The following LAMA2 variants were observed in gnomAD, a reference collection of about 807,000 sequenced individuals.
LAMA2 encodes the protein laminin subunit alpha-2.
LAMA2 carries 269 observed loss-of-function variants against 364.8 expected under a neutral mutation model. That is an observed-to-expected ratio of 0.74 (90% CI 0.67 to 0.82). The LOEUF (loss-of-function observed/expected upper bound fraction) is 0.82. LAMA2 is among the 40% of genes least tolerant of loss of function. The probability of loss-of-function intolerance (pLI) is 0.00; values close to 1 mark genes in which losing one functional copy is unlikely to be tolerated. For missense variants in LAMA2, 3,807 were observed against 3,873.2 expected (o/e 0.98, Z 0.45); for synonymous variants, 1,379 against 1,370.6 (o/e 1.01, Z -0.14).
intron 28 of LAMA2, among the ~76,000 whole-genome samples, chr6:129,322,184 A>C (rs1012112022): frequency 6.6e-6 from 1 of 152,200 alleles, no homozygotes; most frequent in African/African-American, 2.4e-5. Context: ...ATTTATTTAC[A>C]TGTGTCCATT....
chr6:128,983,657 T>A (rs573261657), intron 1 of LAMA2, among the ~76,000 whole-genome samples: 2 of 152,300 alleles, frequency 1.3e-5, no homozygotes, highest in South Asian at 4.1e-4. Flanking sequence ...CTTCTAGTGA[T>A]AGAAATGTAC....
At chr6:128,931,311 G>A (rs1779461145) in intron 1 of LAMA2, among the ~76,000 whole-genome samples, 1 of 152,270 alleles carries the variant, frequency 6.6e-6, no homozygotes, top group Admixed American at 6.5e-5. Flanking sequence ...CTTTGCAGTG[G>A]CCATTTCTAG....
chr6:129,292,859 C>G, intron 20 of LAMA2: 3 of 985,770 alleles, frequency 3.0e-6, no homozygotes, highest in Non-Finnish European at 1.2e-6. Context: ...ACTGCGATCC[C>G]GTTGGCTCTG....
At chr6:129,478,195 T>TTATC (rs1471248277) in intron 53 of LAMA2, among the ~76,000 whole-genome samples, 1 of 152,122 alleles carries the variant, frequency 6.6e-6, no homozygotes, top group African/African-American at 2.4e-5. Flanking sequence ...ATATGTAATA[T>TTATC]TATCTTATTT....
intron 1 of LAMA2, among the ~76,000 whole-genome samples, chr6:128,908,977 T>G (rs1777693080): frequency 6.8e-6 from 1 of 146,926 alleles, no homozygotes; most frequent in African/African-American, 2.6e-5. Flanking sequence ...GAGTTCTAGT[T>G]TGATTGCACT....
intron 47 of LAMA2, among the ~76,000 whole-genome samples, chr6:129,455,631 C>T (rs1782922911): frequency 6.6e-6 from 1 of 152,094 alleles, no homozygotes; most frequent in Non-Finnish European, 1.5e-5. Flanking sequence ...TATTTAACAG[C>T]TCATGGAAAT....
intron 1 of LAMA2, among the ~76,000 whole-genome samples, chr6:128,995,910 G>C (rs1783907964): frequency 6.6e-6 from 1 of 152,106 alleles, no homozygotes; most frequent in Non-Finnish European, 1.5e-5. Context: ...TAGAGTTTTT[G>C]ACAGGTATAT....
intron 1 of LAMA2, among the ~76,000 whole-genome samples, chr6:128,921,212 C>G (rs1349345431): frequency 7.2e-5 from 11 of 151,842 alleles, no homozygotes. Context: ...TTATGTTAAA[C>G]AAAAACAAAA....
At chr6:129,277,547 T>C (rs1176073622) in intron 17 of LAMA2, among the ~76,000 whole-genome samples, 1 of 152,164 alleles carries the variant, frequency 6.6e-6, no homozygotes, top group African/African-American at 2.4e-5. Flanking sequence ...TACTAGAAAC[T>C]TAAACTTACT....
chr6:128,943,651 C>T (rs998715614), intron 1 of LAMA2, among the ~76,000 whole-genome samples: 6 of 152,130 alleles, frequency 3.9e-5, no homozygotes, highest in Non-Finnish European at 5.9e-5. Flanking sequence ...AAGTTTTTTC[C>T]GTTTGCTAAC....
intron 12 of LAMA2, among the ~76,000 whole-genome samples, chr6:129,245,415 A>G (rs1276253385): frequency 1.3e-5 from 2 of 152,154 alleles, no homozygotes; most frequent in African/African-American, 2.4e-5. Flanking sequence ...GAAATGTTCT[A>G]TTGGCTGAAC....
chr6:129,306,642 AT>A (rs1773897626), intron 22 of LAMA2, among the ~76,000 whole-genome samples: 1 of 150,736 alleles, frequency 6.6e-6, no homozygotes, highest in African/African-American at 2.4e-5. Context: ...TGAGGTTCTT[AT>A]TTTTTTAATT....
chr6:129,050,122 G>A, intron 2 of LAMA2, 34 bp downstream of exon 2: 1 of 1,609,704 alleles, frequency 6.2e-7, no homozygotes, highest in Non-Finnish European at 8.5e-7. Flanking sequence ...TGTGGCGCTG[G>A]GTAGGATCTA....
chr6:129,058,246 T>G (rs1364590773), intron 2 of LAMA2, among the ~76,000 whole-genome samples: 1 of 152,138 alleles, frequency 6.6e-6, no homozygotes, highest in Non-Finnish European at 1.5e-5. Context: ...CAAGAACCAA[T>G]GACTGGGAAC....
chr6:129,251,072 C>CTATATATATATA (rs1786187013), intron 13 of LAMA2, among the ~76,000 whole-genome samples: 1 of 65,060 alleles, frequency 1.5e-5, no homozygotes, highest in African/African-American at 5.2e-5. Context: ...CTCTCTCTCT[C>CTATATATATATA]TCTCTATATA....
intron 1 of LAMA2, among the ~76,000 whole-genome samples, chr6:128,943,652 G>A (rs189121303): frequency 1.6e-3 from 239 of 152,120 alleles, no homozygotes; most frequent in Non-Finnish European, 1.9e-3. Context: ...AGTTTTTTCC[G>A]TTTGCTAACT....
chr6:129,479,182 A>G (rs1023795842), intron 54 of LAMA2, among the ~76,000 whole-genome samples: 1 of 151,766 alleles, frequency 6.6e-6, no homozygotes, highest in Non-Finnish European at 1.5e-5. Context: ...GCAACCTTAC[A>G]TTTTTTCTGG....
intron 1 of LAMA2, among the ~76,000 whole-genome samples, chr6:128,995,942 ACTTC>A (rs1291723405): frequency 3.3e-5 from 5 of 152,038 alleles, no homozygotes; most frequent in South Asian, 2.1e-4. Flanking sequence ...GCTCTCTTTT[ACTTC>A]CTTTTTATTC....
rs560856513 is a variant in LAMA2 at position 128,998,203 on chromosome 6, G to A, written c.113-51715G>A. On this transcript the variant is annotated intron_variant, in intron 1 of 64. Transcript: ENST00000421865. ...AAGGAGAGGTAGGAAGGAAGATGGC[G>A]AACCAGAAAGTAAGTCATTAATAAT... Among the ~76,000 whole-genome samples the A allele has an allele frequency of 2.6e-4, 39 of 152,276 alleles. No homozygotes were observed. In the Middle Eastern group the frequency reaches 0.014, roughly 53 times the overall value.
Sources: allele counts gnomAD v4.1 joint callset (sites outside exome capture counted in the v4.1 genomes callset), GRCh38; gene constraint gnomAD v4.1.1; transcripts MANE v1.5; gene names NCBI Gene and HGNC (gene_info 2026-07-23, HGNC 2026-07-21).